Variants in DPP6 observed in about 807,000 individuals in gnomAD.
The protein encoded by DPP6 is dipeptidyl peptidase like 6, also known as A-type potassium channel modulatory protein DPP6.
A neutral mutation model predicts 122.6 loss-of-function variants in DPP6; 69 were observed. The observed-to-expected ratio is 0.56, with a 90% confidence interval of 0.46 to 0.69. The LOEUF is 0.69. DPP6 is among the 30% of genes least tolerant of loss of function. The pLI, the probability that DPP6 is intolerant of heterozygous loss-of-function variation, is 0.00. For missense variants in DPP6, 928 were observed against 1,116.9 expected, an observed-to-expected ratio of 0.83 and a Z score of 2.41; for synonymous variants, 418 against 433.1, an observed-to-expected ratio of 0.97 and a Z score of 0.43.
At position 154,142,962 on chromosome 7, in the gene DPP6, G is replaced by A. The variant is rs796370121; in HGVS notation, c.243+89899G>A. 7.3e-5 allele frequency among the ~76,000 whole-genome samples: 10 copies of A among 137,674 alleles called. No individual in the cohort carries two copies. The South Asian group carries it at 1.6e-3, about 22-fold the overall frequency. 90.3% of individuals were successfully genotyped at this position (137,674 alleles called of 152,430 possible). A position where few individuals can be genotyped will look rare whatever the true frequency, so the allele number is the denominator to read the frequency against. Reference sequence around the variant, plus strand: ...TTCACAGTCTTCCATATGCCAAAGCGGATTGTTCCAACATCAGATGACTCC... The same window carrying A: ...TTCACAGTCTTCCATATGCCAAAGCAGATTGTTCCAACATCAGATGACTCC... On this transcript the variant is annotated intron_variant, in intron 1 of 25. Coordinates refer to ENST00000377770, the MANE Select transcript of DPP6 (RefSeq NM_130797.4).
chr7:154,013,270 A>T (rs1227678061), intron 1 of DPP6, among the ~76,000 whole-genome samples: 2 of 152,140 alleles, frequency 1.3e-5, no homozygotes, highest in Non-Finnish European at 2.9e-5. Flanking sequence ...AAGCCTGGTT[A>T]CTCATGACTC....
intron 1 of DPP6, among the ~76,000 whole-genome samples, chr7:154,029,122 C>G (rs573981644): frequency 1.3e-3 from 201 of 149,378 alleles, no homozygotes; most frequent in African/African-American, 4.7e-3. Context: ...TACTTGTTTT[C>G]TCCCATGTTC....
At chr7:154,531,069 G>A (rs1827803248) in intron 3 of DPP6, among the ~76,000 whole-genome samples, 1 of 152,040 alleles carries the variant, frequency 6.6e-6, no homozygotes, top group African/African-American at 2.4e-5. Context: ...CTAGATGATG[G>A]GTCGATCTCT....
chr7:154,508,184 A>G (rs576675377), intron 3 of DPP6, among the ~76,000 whole-genome samples: 21 of 152,266 alleles, frequency 1.4e-4, no homozygotes, highest in African/African-American at 4.1e-4. Flanking sequence ...TACTGCTCCA[A>G]GATAGCCCCC....
chr7:153,810,502 A>G, the DPP6 span, among the ~76,000 whole-genome samples: 1 of 152,162 alleles, frequency 6.6e-6, no homozygotes, highest in Non-Finnish European at 1.5e-5. Context: ...TCAAATATGT[A>G]TGTTACTACA....
At chr7:154,268,722 G>A (rs1463364752) in intron 1 of DPP6, among the ~76,000 whole-genome samples, 2 of 152,090 alleles carry the variant, frequency 1.3e-5, no homozygotes, top group East Asian at 1.9e-4. Context: ...TTTTCCCTGC[G>A]ATGACACGTG....
the DPP6 span, among the ~76,000 whole-genome samples, chr7:153,868,285 CT>C: frequency 3.3e-5 from 5 of 152,016 alleles, no homozygotes; most frequent in Non-Finnish European, 7.4e-5. Flanking sequence ...TGGTCATGGA[CT>C]TTTTTTGGTT....
chr7:154,493,867 T>G (rs117946297), intron 3 of DPP6, among the ~76,000 whole-genome samples: 11 of 152,322 alleles, frequency 7.2e-5, no homozygotes, highest in Non-Finnish European at 1.2e-4. Context: ...GCAAAATGTG[T>G]CATAGATCTG....
chr7:154,244,718 C>T (rs917348077), intron 1 of DPP6, among the ~76,000 whole-genome samples: 15 of 151,644 alleles, frequency 9.9e-5, no homozygotes, highest in African/African-American at 3.4e-4. Context: ...ATCTAAAAAC[C>T]TAATAAGGGA....
intron 7 of DPP6, among the ~76,000 whole-genome samples, chr7:154,682,691 A>G (rs1226413327): frequency 6.6e-6 from 1 of 152,226 alleles, no homozygotes; most frequent in East Asian, 1.9e-4. Flanking sequence ...AGTAGACTTC[A>G]CAGGGCTCCT....
chr7:154,059,918 A>C (rs1247372401), intron 1 of DPP6, among the ~76,000 whole-genome samples: 2 of 151,982 alleles, frequency 1.3e-5, no homozygotes, highest in Non-Finnish European at 2.9e-5. Context: ...AAATAAGCTC[A>C]TTCTTGGGCA....
intron 1 of DPP6, among the ~76,000 whole-genome samples, chr7:154,316,440 T>C (rs1462689063): frequency 6.6e-6 from 1 of 152,224 alleles, no homozygotes; most frequent in Non-Finnish European, 1.5e-5. Flanking sequence ...CCAAAGCCCT[T>C]TTTTGTTGTT....
At chr7:154,827,607 G>T (rs1419550046) in intron 16 of DPP6, among the ~76,000 whole-genome samples, 1 of 151,766 alleles carries the variant, frequency 6.6e-6, no homozygotes, top group African/African-American at 2.4e-5. Context: ...CCCACTGGGG[G>T]TGTTTAAGCC....
At chr7:154,242,410 G>GTA (rs577363988) in intron 1 of DPP6, among the ~76,000 whole-genome samples, 2 of 152,044 alleles carry the variant, frequency 1.3e-5, no homozygotes, top group Admixed American at 6.6e-5. Context: ...ATGTGTGTGA[G>GTA]TATATATATA....
At chr7:154,787,801 C>G (rs1005657750) in intron 10 of DPP6, among the ~76,000 whole-genome samples, 3 of 152,172 alleles carry the variant, frequency 2.0e-5, no homozygotes, top group Non-Finnish European at 4.4e-5. Flanking sequence ...AAACTGATCA[C>G]CATTTTGAAA....
chr7:154,775,740 G>A (rs1796519453), intron 10 of DPP6, among the ~76,000 whole-genome samples: 1 of 152,144 alleles, frequency 6.6e-6, no homozygotes, highest in African/African-American at 2.4e-5. Context: ...AGCCCAGCAT[G>A]TCCCTGGAGA....
At chr7:154,440,262 GC>G (rs1819255324) in intron 1 of DPP6, among the ~76,000 whole-genome samples, 1 of 152,130 alleles carries the variant, frequency 6.6e-6, no homozygotes, top group Non-Finnish European at 1.5e-5. Context: ...AGCTGCCCAC[GC>G]CTGCAGTCTC....
intron 7 of DPP6, among the ~76,000 whole-genome samples, chr7:154,705,682 C>T (rs927720449): frequency 1.3e-5 from 2 of 152,236 alleles, no homozygotes; most frequent in Admixed American, 6.5e-5. Context: ...GGCTCCCAGA[C>T]AGCCCCTGAG....
chr7:153,867,277 C>T, the DPP6 span, among the ~76,000 whole-genome samples: 2 of 152,142 alleles, frequency 1.3e-5, no homozygotes, highest in African/African-American at 2.4e-5. Flanking sequence ...TCTTCCTACC[C>T]ATGAGCGTGG....
Sources: allele counts gnomAD v4.1 joint callset (sites outside exome capture counted in the v4.1 genomes callset), GRCh38; gene constraint gnomAD v4.1.1; transcripts MANE v1.5; gene names NCBI Gene and HGNC (gene_info 2026-07-23, HGNC 2026-07-21).